SUSD4: variants seen among roughly 807,000 people sequenced by gnomAD.
SUSD4 encodes sushi domain-containing protein 4.
In SUSD4, 41 loss-of-function variants were observed where a neutral mutation model predicts 50.5. The observed-to-expected ratio is 0.81, with a 90% CI of 0.63 to 1.05. The LOEUF is 1.05. Ranked by LOEUF, SUSD4 falls within the 50% of genes least tolerant of loss-of-function variation. The pLI is 0.00. For synonymous variants in SUSD4, 257 were observed against 257.3 expected (o/e 1.00, Z 0.01); for missense variants, 580 against 634.7 (o/e 0.91, Z 0.93).
At chr1:223,255,249 T>G (rs1661607883) in intron 5 of SUSD4, among the ~76,000 whole-genome samples, 1 of 152,222 alleles carries the variant, frequency 6.6e-6, no homozygotes, top group Admixed American at 6.5e-5. Flanking sequence ...GAACTGAAGA[T>G]TCTTTTGAGA....
chr1:223,273,225 A>G (rs1367775679), intron 3 of SUSD4, among the ~76,000 whole-genome samples: 1 of 152,222 alleles, frequency 6.6e-6, no homozygotes, highest in Non-Finnish European at 1.5e-5. Flanking sequence ...ATAGTGACCA[A>G]GAAGGGGAGG....
At chr1:223,355,958 C>T (rs1572132961) in intron 2 of SUSD4, among the ~76,000 whole-genome samples, 1 of 152,188 alleles carries the variant, frequency 6.6e-6, no homozygotes, top group Non-Finnish European at 1.5e-5. Flanking sequence ...GCCTGCAGGC[C>T]CTGACCTGCT....
intron 7 of SUSD4, among the ~76,000 whole-genome samples, chr1:223,224,404 G>A (rs1659352053): frequency 6.6e-6 from 1 of 151,994 alleles, no homozygotes; most frequent in South Asian, 2.1e-4. Context: ...GGACTAGCTG[G>A]CCCTATGCTC....
intron 2 of SUSD4, among the ~76,000 whole-genome samples, chr1:223,303,031 C>G (rs1292025857): frequency 2.0e-5 from 3 of 152,092 alleles, no homozygotes; most frequent in Non-Finnish European, 1.5e-5. Context: ...TCCTATAGTC[C>G]TAGCTACTCA....
intron 5 of SUSD4, 162 bp downstream of exon 5, chr1:223,264,468 T>C (rs562528342): frequency 4.4e-6 from 6 of 1,358,324 alleles, no homozygotes; most frequent in South Asian, 2.2e-5. Context: ...ATTGTAAATA[T>C]GGCTTCACGG....
intron 2 of SUSD4, among the ~76,000 whole-genome samples, chr1:223,315,246 G>A (rs1666113357): frequency 6.6e-6 from 1 of 152,204 alleles, no homozygotes; most frequent in African/African-American, 2.4e-5. Context: ...GCTAATGAAG[G>A]GCCATCAGGT....
chr1:223,311,548 G>A (rs1665874194), intron 2 of SUSD4, among the ~76,000 whole-genome samples: 1 of 152,206 alleles, frequency 6.6e-6, no homozygotes, highest in African/African-American at 2.4e-5. Context: ...TACGGTTTAA[G>A]TGGCATGTTA....
intron 2 of SUSD4, among the ~76,000 whole-genome samples, chr1:223,304,263 A>AG (rs976862858): frequency 2.0e-5 from 3 of 152,182 alleles, no homozygotes; most frequent in Non-Finnish European, 4.4e-5. Flanking sequence ...GGCTCTCTGC[A>AG]GGGGGAAGCA....
At chr1:223,277,587 AAT>A (rs963372457) in intron 3 of SUSD4, among the ~76,000 whole-genome samples, 1 of 152,086 alleles carries the variant, frequency 6.6e-6, no homozygotes, top group African/African-American at 2.4e-5. Flanking sequence ...GAACAATTAA[AAT>A]AGAGTCACTT....
Position 223,310,451 on chromosome 1 carries a change from T to C in SUSD4, c.149-17800A>G, listed in dbSNP as rs894878538. On this transcript the variant is annotated intron_variant, in intron 2 of 8. Transcript: ENST00000366878. ...ACCATTGAAACTATGTTTTTGAAGA[T>C]TTGCTAATTATTAGTGTTAATGATT... 3.3e-5 allele frequency among the ~76,000 whole-genome samples: 5 copies of C among 152,188 alleles called. No individual in the cohort carries two copies. The East Asian group carries it at 9.6e-4, about 29-fold the overall frequency.
rs964224704 is a variant in SUSD4, at chr1:223,332,832, G to A, written c.148+30446C>T. ...CTTTATGCCTACCTCCAGCTAAGCG[G>A]GTACTGGGGAGGGTGGGGACCATCC... On this transcript the variant is annotated intron_variant, in intron 2 of 8. Transcript: ENST00000366878. This position sits in a 1 kb window ranked among gnomAD's most constrained non-coding sequence, Gnocchi z 4.0. Among the ~76,000 whole-genome samples the A allele has an allele frequency of 6.6e-6, 1 of 152,116 alleles. No homozygotes were observed. The highest frequency in any genetic ancestry group is 2.4e-5 in the African/African-American group (1 of 41,422).
At chr1:223,287,174 C>G (rs1301593343) in intron 3 of SUSD4, among the ~76,000 whole-genome samples, 1 of 152,230 alleles carries the variant, frequency 6.6e-6, no homozygotes, top group East Asian at 1.9e-4. Flanking sequence ...CTCCTGGGTT[C>G]AAACAATTCT....
intron 3 of SUSD4, among the ~76,000 whole-genome samples, chr1:223,278,753 C>G (rs568962268): frequency 1.3e-5 from 2 of 152,132 alleles, no homozygotes; most frequent in Admixed American, 1.3e-4. Flanking sequence ...GATCTGAGAA[C>G]GGACAGACTG....
At chr1:223,272,197 A>G (rs1489986029) in intron 3 of SUSD4, among the ~76,000 whole-genome samples, 1 of 152,274 alleles carries the variant, frequency 6.6e-6, no homozygotes. Context: ...ACTGCACTCT[A>G]CAAAAATATT....
chr1:223,232,499 T>G (rs570086091), intron 5 of SUSD4, among the ~76,000 whole-genome samples: 2 of 152,340 alleles, frequency 1.3e-5, no homozygotes, highest in South Asian at 4.1e-4. Flanking sequence ...ACTGTAGGAT[T>G]AGAAAATTAC....
chr1:223,342,457 G>C (rs963816278), intron 2 of SUSD4, among the ~76,000 whole-genome samples: 2 of 152,156 alleles, frequency 1.3e-5, no homozygotes, highest in African/African-American at 4.8e-5. Flanking sequence ...GACTAGCTGA[G>C]AACATTTTGA....
intron 5 of SUSD4, among the ~76,000 whole-genome samples, chr1:223,249,639 C>G (rs1327166677): frequency 6.6e-6 from 1 of 152,064 alleles, no homozygotes; most frequent in Non-Finnish European, 1.5e-5. Context: ...CTTATGGGTT[C>G]TATATTATAG....
At chr1:223,230,191 C>A (rs542644053) in intron 5 of SUSD4, among the ~76,000 whole-genome samples, 1 of 152,158 alleles carries the variant, frequency 6.6e-6, no homozygotes, top group Non-Finnish European at 1.5e-5. Context: ...GAGGTAAGGA[C>A]GGTTCCATCT....
At chr1:223,296,184 CAG>C (rs1211840743) in intron 2 of SUSD4, among the ~76,000 whole-genome samples, 1 of 152,046 alleles carries the variant, frequency 6.6e-6, no homozygotes, top group Non-Finnish European at 1.5e-5. Context: ...AAGGCAAAGA[CAG>C]TGGAATGGAG....
Sources: allele counts gnomAD v4.1 joint callset (sites outside exome capture counted in the v4.1 genomes callset), GRCh38; gene constraint gnomAD v4.1.1; non-coding constraint Gnocchi (gnomAD v3.1); transcripts MANE v1.5; gene names NCBI Gene and HGNC (gene_info 2026-07-23, HGNC 2026-07-21).